CNTN1: variants seen among roughly 807,000 people sequenced by gnomAD.
CNTN1 encodes contactin-1.
CNTN1 carries 38 observed loss-of-function variants against 126.4 expected under a neutral mutation model. The observed-to-expected ratio is 0.30, with a 90% confidence interval of 0.23 to 0.39. The LOEUF is 0.39. CNTN1 is among the 10% of genes least tolerant of loss of function. The pLI is 1.00. For missense variants in CNTN1, 1,009 were observed against 1,248.4 expected, an observed-to-expected ratio of 0.81 and a Z score of 2.89; for synonymous variants, 413 against 422.6, an observed-to-expected ratio of 0.98 and a Z score of 0.28.
At chr12:40,712,288 T>C (rs1175956735) in intron 1 of CNTN1, among the ~76,000 whole-genome samples, 1 of 152,184 alleles carries the variant, frequency 6.6e-6, no homozygotes, top group Non-Finnish European at 1.5e-5. Flanking sequence ...ATTTATCTTC[T>C]ATTCCTACTG....
At chr12:40,882,450 T>C (rs1280845040) in intron 1 of CNTN1, among the ~76,000 whole-genome samples, 1 of 151,756 alleles carries the variant, frequency 6.6e-6, no homozygotes, top group Admixed American at 6.6e-5. Flanking sequence ...AAATGATATA[T>C]TGTCCCAGAT....
chr12:40,740,582 T>G (rs1481787051), intron 1 of CNTN1, among the ~76,000 whole-genome samples: 1 of 152,090 alleles, frequency 6.6e-6, no homozygotes, highest in African/African-American at 2.4e-5. Context: ...AGCCTTGGCC[T>G]CCCTCTTCAG....
At chr12:40,752,941 C>T (rs1370705839) in intron 1 of CNTN1, among the ~76,000 whole-genome samples, 1 of 152,048 alleles carries the variant, frequency 6.6e-6, no homozygotes, top group Non-Finnish European at 1.5e-5. Flanking sequence ...TGTGACTGCC[C>T]AAGCTACATG....
Position 40,933,794 on chromosome 12 carries a change from C to G in CNTN1, c.901C>G (p.Gln301Glu), listed in dbSNP as rs145955800. ...GGCTGTTCTTAAGATCTTCAATATT[C>G]AGCTAGAAGATGAAGGCATCTATGA... is the stretch of plus-strand genomic sequence containing the variant. ...SGAVLKIFNI[Q>E]LEDEGIYECE... is the part of the protein sequence containing the mutation. Residue 301 changes from glutamine (Q) to glutamate (E), a missense_variant, in exon 9 of 24, where the codon CAG becomes GAG. Transcript: ENST00000551295. 2 of 1,612,032 alleles carry G rather than the reference C, an allele frequency of 1.2e-6. No homozygotes were observed. The highest frequency in any genetic ancestry group is 2.7e-5 in the African/African-American group (2 of 74,810).
intron 15 of CNTN1, chr12:40,971,583 C>A: frequency 1.3e-6 from 2 of 1,536,150 alleles, no homozygotes; most frequent in Non-Finnish European, 1.7e-6. Context: ...TTGACTAACT[C>A]AATCTTGTAG....
intron 1 of CNTN1, among the ~76,000 whole-genome samples, chr12:40,854,487 C>A (rs1332784874): frequency 3.3e-5 from 5 of 151,976 alleles, no homozygotes; most frequent in African/African-American, 1.2e-4. Context: ...ATGTGAATTA[C>A]CTTAAGTCTC....
At chr12:40,895,950 T>G (rs1391675620) in intron 1 of CNTN1, 1 of 151,540 alleles carries the variant, frequency 6.6e-6, no homozygotes, top group Non-Finnish European at 1.5e-5. Context: ...ATTTTTTTAG[T>G]AGAGACGGGG....
chr12:40,965,664 G>A lies in CNTN1; in HGVS notation c.1804+6430G>A, dbSNP rs1277725740. Among the ~76,000 whole-genome samples the A allele has an allele frequency of 2.6e-5, 4 of 152,034 alleles. No individual in the cohort carries two copies. In the South Asian group the frequency reaches 8.3e-4, roughly 32 times the overall value. ...GTTCTATTTGCATGACTAGCTCAGG[G>A]ACCTTGGATATTAGTGAGGGCCACA... On this transcript the variant is annotated intron_variant, in intron 15 of 23. Coordinates refer to ENST00000551295, the MANE Select transcript of CNTN1 (RefSeq NM_001843.4).
intron 17 of CNTN1, among the ~76,000 whole-genome samples, chr12:41,010,267 C>T (rs765695638): frequency 3.9e-4 from 59 of 152,158 alleles, no homozygotes; most frequent in Admixed American, 7.9e-4. Context: ...GTTTGGAACC[C>T]GGTGACCTTC....
intron 1 of CNTN1, among the ~76,000 whole-genome samples, chr12:40,853,347 G>A (rs999800447): frequency 6.6e-6 from 1 of 152,124 alleles, no homozygotes; most frequent in Admixed American, 6.6e-5. Flanking sequence ...GAAATCAATG[G>A]CTCCATTATT....
At chr12:41,030,245 A>C (rs889433944) in intron 23 of CNTN1, among the ~76,000 whole-genome samples, 2 of 151,980 alleles carry the variant, frequency 1.3e-5, no homozygotes, top group African/African-American at 4.8e-5. Context: ...TAAATATGCT[A>C]TATATTAAAC....
chr12:40,774,946 A>G (rs1939521503), intron 1 of CNTN1, among the ~76,000 whole-genome samples: 1 of 151,680 alleles, frequency 6.6e-6, no homozygotes, highest in Admixed American at 6.6e-5. Flanking sequence ...TAATGATTAA[A>G]TAAGGATAAT....
intron 23 of CNTN1, among the ~76,000 whole-genome samples, chr12:41,034,458 T>C (rs1488643583): frequency 2.0e-5 from 3 of 152,202 alleles, no homozygotes; most frequent in African/African-American, 7.2e-5. Flanking sequence ...CCCTTCTCCA[T>C]TTCCTAAGTA....
chr12:41,034,136 A>G (rs190924369), intron 23 of CNTN1, among the ~76,000 whole-genome samples: 1 of 152,332 alleles, frequency 6.6e-6, no homozygotes, highest in East Asian at 1.9e-4. Flanking sequence ...AGATTCTAAA[A>G]GAGCAAGGCA....
intron 1 of CNTN1, among the ~76,000 whole-genome samples, chr12:40,761,315 A>T (rs1938857561): frequency 6.6e-6 from 1 of 152,130 alleles, no homozygotes; most frequent in Non-Finnish European, 1.5e-5. Flanking sequence ...TTCTCATAAA[A>T]TAGTAGTGGG....
intron 15 of CNTN1, among the ~76,000 whole-genome samples, chr12:40,966,722 C>A (rs966720795): frequency 1.3e-5 from 2 of 151,958 alleles, no homozygotes; most frequent in African/African-American, 4.8e-5. Context: ...CAAATATGGC[C>A]ACAAAATAGG....
chr12:41,011,482 G>A (rs1948652147), intron 17 of CNTN1, among the ~76,000 whole-genome samples: 1 of 152,200 alleles, frequency 6.6e-6, no homozygotes, highest in South Asian at 2.1e-4. Context: ...CCCAGGGTGG[G>A]AGAAAGACAG....
intron 6 of CNTN1, among the ~76,000 whole-genome samples, chr12:40,927,816 C>T (rs1416946736): frequency 6.6e-6 from 1 of 152,092 alleles, no homozygotes; most frequent in African/African-American, 2.4e-5. Flanking sequence ...TAGTCCAAGA[C>T]TTATGTTCAT....
chr12:40,917,006 AT>A (rs1945268464), intron 3 of CNTN1, among the ~76,000 whole-genome samples: 1 of 118,778 alleles, frequency 8.4e-6, no homozygotes, highest in Non-Finnish European at 1.6e-5. Flanking sequence ...CCTTTGAAAC[AT>A]TTTGGGTTAA....
Sources: allele counts gnomAD v4.1 joint callset (sites outside exome capture counted in the v4.1 genomes callset), GRCh38; gene constraint gnomAD v4.1.1; transcripts MANE v1.5; gene names NCBI Gene and HGNC (gene_info 2026-07-23, HGNC 2026-07-21).